Variants in SORCS3 observed in about 807,000 individuals in gnomAD.
SORCS3 encodes VPS10 domain-containing receptor SorCS3.
SORCS3 carries 57 observed loss-of-function variants against 146.3 expected under a neutral mutation model. That is an observed-to-expected ratio of 0.39 (90% CI 0.31 to 0.49). SORCS3 has a LOEUF of 0.49. Among genes scored for constraint, SORCS3 ranks in the 20% least tolerant of loss-of-function variants. The pLI is 0.92. For synonymous variants in SORCS3, 653 were observed against 618.5 expected, an observed-to-expected ratio of 1.06 and a Z score of -0.83; for missense variants, 1,341 against 1,575.5, an observed-to-expected ratio of 0.85 and a Z score of 2.52.
intron 5 of SORCS3, among the ~76,000 whole-genome samples, chr10:105,068,352 A>G (rs759185523): frequency 1.5e-4 from 23 of 152,186 alleles, no homozygotes; most frequent in Non-Finnish European, 3.1e-4. Flanking sequence ...CCAGCCGCTC[A>G]CACCCTCTTG....
intron 4 of SORCS3, among the ~76,000 whole-genome samples, chr10:105,016,637 C>T (rs1350697430): frequency 6.6e-6 from 1 of 151,822 alleles, no homozygotes; most frequent in Admixed American, 6.6e-5. Context: ...ATGGTGATGA[C>T]TTTTTTTTGT....
chr10:105,078,073 A>G (rs958297167), intron 5 of SORCS3, among the ~76,000 whole-genome samples: 2 of 152,210 alleles, frequency 1.3e-5, no homozygotes, highest in Non-Finnish European at 2.9e-5. Flanking sequence ...ACTGTGTTTG[A>G]CAGCTCCAAT....
intron 2 of SORCS3, among the ~76,000 whole-genome samples, chr10:104,909,385 A>G (rs2018942706): frequency 6.6e-6 from 1 of 152,142 alleles, no homozygotes; most frequent in Non-Finnish European, 1.5e-5. Flanking sequence ...GCAACGCAGA[A>G]GTTGCTGAGA....
intron 1 of SORCS3, among the ~76,000 whole-genome samples, chr10:104,711,930 C>T (rs1017922355): frequency 6.6e-6 from 1 of 152,162 alleles, no homozygotes; most frequent in Admixed American, 6.5e-5. Context: ...AGTTAATCAC[C>T]ACTGCCTGCC....
chr10:104,641,621 C>G lies in SORCS3; in HGVS notation c.294C>G (p.Gly98=). The G allele has an allele frequency of 6.6e-7, 1 of 1,520,858 alleles. No individual in the cohort carries two copies. The highest frequency in any genetic ancestry group is 8.8e-7 in the Non-Finnish European group (1 of 1,140,614). The allele number at this position is 1,520,858 out of a possible 1,614,324, so 94.2% of individuals were successfully genotyped here. The change falls in exon 1 of 27, where the codon GGC becomes GGG. Residue 98 remains glycine, a synonymous_variant. Coordinates refer to ENST00000369701, the MANE Select transcript of SORCS3 (RefSeq NM_014978.3). This position sits in a 1 kb window ranked among gnomAD's most constrained non-coding sequence, Gnocchi z 6.4. ...ELLPQQGGGR[G]GEMQVEAGGT... ...TGCCCCAGCAGGGCGGCGGCAGAGG[C>G]GGTGAGATGCAGGTGGAAGCCGGAG...
intron 2 of SORCS3, among the ~76,000 whole-genome samples, chr10:104,914,814 G>A (rs565540115): frequency 5.3e-4 from 81 of 152,320 alleles, no homozygotes; most frequent in Middle Eastern, 3.4e-3. Context: ...GCCAGAGTTG[G>A]GAACTGAGAT....
intron 2 of SORCS3, among the ~76,000 whole-genome samples, chr10:104,873,211 A>G (rs1038439877): frequency 1.3e-5 from 2 of 152,260 alleles, no homozygotes; most frequent in African/African-American, 4.8e-5. Flanking sequence ...AAATGCAGTA[A>G]GGAATGCAGA....
intron 4 of SORCS3, among the ~76,000 whole-genome samples, chr10:105,038,848 A>T (rs1005000542): frequency 2.6e-5 from 4 of 152,128 alleles, no homozygotes; most frequent in Non-Finnish European, 4.4e-5. Context: ...ATGTTGACAC[A>T]TGTGTTTTAT....
chr10:104,757,499 C>A (rs944625994), intron 1 of SORCS3, among the ~76,000 whole-genome samples: 1 of 152,202 alleles, frequency 6.6e-6, no homozygotes, highest in Non-Finnish European at 1.5e-5. Flanking sequence ...CAGTTTCCAG[C>A]TGCTTTTGCG....
chr10:105,201,011 A>G (rs1386000427), intron 15 of SORCS3, 109 bp from the exon 16 acceptor site: 1 of 1,213,786 alleles, frequency 8.2e-7, no homozygotes, highest in East Asian at 2.5e-5. Context: ...AGACTGCTAC[A>G]TAAAGTACCT....
intron 8 of SORCS3, among the ~76,000 whole-genome samples, chr10:105,145,752 T>C (rs1564766092): frequency 1.3e-5 from 2 of 152,120 alleles, no homozygotes; most frequent in Non-Finnish European, 1.5e-5. Context: ...CTACAAGGTG[T>C]GTAAGCACAA....
intron 20 of SORCS3, among the ~76,000 whole-genome samples, chr10:105,240,585 A>G (rs2056816401): frequency 1.3e-5 from 2 of 152,164 alleles, no homozygotes; most frequent in Non-Finnish European, 2.9e-5. Flanking sequence ...TAAATTTAAG[A>G]CACCTATATT....
At chr10:104,791,208 G>T (rs2017492178) in intron 1 of SORCS3, among the ~76,000 whole-genome samples, 1 of 152,350 alleles carries the variant, frequency 6.6e-6, no homozygotes, top group East Asian at 1.9e-4. Flanking sequence ...CGAGGAGGGG[G>T]CCTGTGGTGG....
intron 3 of SORCS3, among the ~76,000 whole-genome samples, chr10:104,949,444 G>A (rs1564720269): frequency 6.6e-6 from 1 of 152,222 alleles, no homozygotes; most frequent in Admixed American, 6.5e-5. Context: ...CACTTTAACA[G>A]AGAAGGCATT....
chr10:105,136,654 A>G (rs1454051501), intron 7 of SORCS3, among the ~76,000 whole-genome samples: 3 of 152,218 alleles, frequency 2.0e-5, no homozygotes, highest in Admixed American at 2.0e-4. Context: ...GGTAGCATTC[A>G]AAAACCCTTC....
chr10:105,036,863 A>G (rs1269482231), intron 4 of SORCS3, among the ~76,000 whole-genome samples: 6 of 152,198 alleles, frequency 3.9e-5, no homozygotes, highest in African/African-American at 1.4e-4. Flanking sequence ...ACAAAAGACC[A>G]TCATGAACAC....
chr10:104,940,204 T>TTATATATA (rs71022748), intron 3 of SORCS3, among the ~76,000 whole-genome samples: 41 of 52,966 alleles, frequency 7.7e-4, no homozygotes, highest in East Asian at 3.9e-3. Context: ...TCCTTTTCTT[T>TTATATATA]TATATATATA....
At chr10:104,931,517 C>A (rs992088906) in intron 3 of SORCS3, among the ~76,000 whole-genome samples, 7 of 152,134 alleles carry the variant, frequency 4.6e-5, no homozygotes, top group Middle Eastern at 3.4e-3. Context: ...CTCAGAGCAA[C>A]CAAAGGCAGC....
At chr10:105,157,365 A>G (rs1172002135) in intron 10 of SORCS3, 81 bp downstream of exon 10, 19 of 1,556,602 alleles carry the variant, frequency 1.2e-5, no homozygotes, top group East Asian at 4.5e-5. Flanking sequence ...TGTTTCGTCA[A>G]AGGGTCTTAG....
Sources: allele counts gnomAD v4.1 joint callset (sites outside exome capture counted in the v4.1 genomes callset), GRCh38; gene constraint gnomAD v4.1.1; non-coding constraint Gnocchi (gnomAD v3.1); transcripts MANE v1.5; gene names NCBI Gene and HGNC (gene_info 2026-07-23, HGNC 2026-07-21).